ZFP91: variants seen among roughly 807,000 people sequenced by gnomAD.
ZFP91 encodes ZFP91 zinc finger protein, atypical E3 ubiquitin ligase, also known as E3 ubiquitin-protein ligase ZFP91.
ZFP91 carries 7 observed loss-of-function variants against 63.5 expected under a neutral mutation model. That is an observed-to-expected ratio of 0.11 (90% confidence interval 0.06 to 0.21). ZFP91 has a LOEUF of 0.21. Among genes scored for constraint, ZFP91 ranks in the 10% least tolerant of loss-of-function variants. The pLI is 1.00. For synonymous variants in ZFP91, 330 were observed against 272.1 expected (o/e 1.21, Z -2.10); for missense variants, 628 against 736.6 (o/e 0.85, Z 1.71).
chr11:58,579,460 C>T lies in ZFP91; in HGVS notation c.179C>T (p.Ala60Val), dbSNP rs1392420798. The change falls in exon 1 of 11, where the codon GCT becomes GTT. Residue 60 changes from alanine to valine, a missense_variant. Coordinates refer to ENST00000316059, the MANE Select transcript of ZFP91 (RefSeq NM_053023.5). The part of the protein sequence containing the change: ...LRGGRDRGRA[A>V]AAAAAAAVSR... ...GGAGGTCGGGACCGAGGCCGGGCCGCTGCGGCCGCCGCCGCCGCAGCTGTG... is the reference window on the plus strand; with the variant it reads ...GGAGGTCGGGACCGAGGCCGGGCCGTTGCGGCCGCCGCCGCCGCAGCTGTG... The T allele has an allele frequency of 6.9e-7, 1 of 1,457,080 alleles. No homozygotes were observed. Among genetic ancestry groups the T allele is most frequent in the African/African-American group, 1.5e-5 (1 of 67,044 alleles). The allele number at this position is 1,457,080 out of a possible 1,614,324, so 90.3% of individuals were successfully genotyped here.
intron 3 of ZFP91, 48 bp downstream of exon 3, chr11:58,610,087 A>G (rs781654675): frequency 1.0e-5 from 16 of 1,591,338 alleles, no homozygotes; most frequent in Non-Finnish European, 1.1e-5. Flanking sequence ...TTGCTGTTAC[A>G]TTTTAAATGT....
chr11:58,618,841 G>A lies in ZFP91; in HGVS notation c.*1135G>A. On this transcript the variant is annotated 3_prime_UTR_variant, in exon 11 of 11. Transcript: ENST00000316059. ...ATGTTAGGTTCATGGTAACTAGTAT[G>A]CTCTTTGAGATTTTTACAGTGTTGA... The A allele has an allele frequency of 2.8e-6, 1 of 351,704 alleles. No homozygotes were observed. Among genetic ancestry groups the A allele is most frequent in the South Asian group, 2.3e-5 (1 of 43,436 alleles). The allele number at this position is 351,704 out of a possible 1,614,324, so 21.8% of individuals were successfully genotyped here.
chr11:58,612,364 T>C, intron 7 of ZFP91, 36 bp downstream of exon 7: 1 of 1,603,828 alleles, frequency 6.2e-7, no homozygotes, highest in Non-Finnish European at 8.5e-7. Flanking sequence ...TTACACCTTA[T>C]TCCAGTACCA....
intron 8 of ZFP91, 123 bp from the exon 9 acceptor site, chr11:58,614,106 C>G: frequency 1.9e-6 from 1 of 538,986 alleles, no homozygotes; most frequent in Non-Finnish European, 3.2e-6. Flanking sequence ...TATACTCCCT[C>G]ACTATCCATG....
At position 58,579,470 on chromosome 11, in the gene ZFP91, C is replaced by G. The variant is rs548089301; in HGVS notation, c.189C>G (p.Ala63=). 28 of 1,463,366 alleles carry G rather than the reference C, an allele frequency of 1.9e-5. No homozygotes were observed. In the Middle Eastern group the frequency reaches 7.0e-4, roughly 37 times the overall value. 90.6% of individuals were successfully genotyped at this position (1,463,366 alleles called of 1,614,324 possible). The part of the protein sequence containing the change: ...GRDRGRAAAA[A]AAAAVSRRRK... Reference sequence around the variant, plus strand: ...ACCGAGGCCGGGCCGCTGCGGCCGCCGCCGCCGCAGCTGTGTCCCGCCGGA... The same window carrying G: ...ACCGAGGCCGGGCCGCTGCGGCCGCGGCCGCCGCAGCTGTGTCCCGCCGGA... The change falls in exon 1 of 11, where the codon GCC becomes GCG. Residue 63 remains alanine, a synonymous_variant. Coordinates refer to ENST00000316059, the MANE Select transcript of ZFP91 (RefSeq NM_053023.5).
chr11:58,612,330 T>C lies in ZFP91; in HGVS notation c.908+2T>C, dbSNP rs1855678897. On this transcript the variant is annotated splice_donor_variant, in intron 7 of 10. Transcript: ENST00000316059. LOFTEE classifies it high-confidence loss of function. Reference sequence around the variant, plus strand: ...AAGTCCACGTTTACCCAAAAGGAGGTGAGGAATTTTTACCCCTACTGTTTT... The same window carrying C: ...AAGTCCACGTTTACCCAAAAGGAGGCGAGGAATTTTTACCCCTACTGTTTT... The C allele has an allele frequency of 6.2e-7, 1 of 1,613,036 alleles. No individual in the cohort carries two copies. Among genetic ancestry groups the C allele is most frequent in the African/African-American group, 1.3e-5 (1 of 74,772 alleles).
intron 3 of ZFP91, 50 bp downstream of exon 3, chr11:58,610,089 T>G (rs1855634456): frequency 6.3e-7 from 1 of 1,590,948 alleles, no homozygotes; most frequent in Non-Finnish European, 8.6e-7. Flanking sequence ...GCTGTTACAT[T>G]TTAAATGTAA....
intron 2 of ZFP91, among the ~76,000 whole-genome samples, chr11:58,592,306 CA>C (rs1359856117): frequency 6.6e-6 from 1 of 151,902 alleles, no homozygotes; most frequent in Non-Finnish European, 1.5e-5. Context: ...AGCCTGGTCT[CA>C]AACTCCTGAC....
chr11:58,593,781 A>T (rs2510559), intron 2 of ZFP91, among the ~76,000 whole-genome samples: 67,203 of 151,990 alleles, frequency 0.44, 15,045 homozygotes, highest in Middle Eastern at 0.54. Context: ...TCTTCAAGAA[A>T]CAAAAAACCC....
intron 2 of ZFP91, among the ~76,000 whole-genome samples, chr11:58,606,267 A>G (rs1319668526): frequency 2.0e-5 from 3 of 152,262 alleles, no homozygotes; most frequent in East Asian, 1.9e-4. Context: ...GGGTTTTGCC[A>G]TGTTGGCCAG....
intron 2 of ZFP91, among the ~76,000 whole-genome samples, chr11:58,595,370 A>C (rs978687245): frequency 2.0e-5 from 3 of 152,182 alleles, no homozygotes; most frequent in Non-Finnish European, 4.4e-5. Context: ...TCACCCTACA[A>C]TAAAATAATA....
intron 2 of ZFP91, among the ~76,000 whole-genome samples, chr11:58,595,214 T>G (rs891013271): frequency 1.3e-5 from 2 of 152,204 alleles, no homozygotes; most frequent in Non-Finnish European, 1.5e-5. Context: ...ATAACTGATT[T>G]TTGAGAAATG....
At chr11:58,611,079 C>T in intron 5 of ZFP91, 25 bp downstream of exon 5, 1 of 1,596,882 alleles carries the variant, frequency 6.3e-7, no homozygotes, top group Non-Finnish European at 8.6e-7. Flanking sequence ...TTACTGCAGA[C>T]ATGTTAATGA....
intron 2 of ZFP91, among the ~76,000 whole-genome samples, chr11:58,606,161 A>G (rs1406487486): frequency 6.6e-6 from 1 of 152,110 alleles, no homozygotes; most frequent in African/African-American, 2.4e-5. Context: ...TCCTGGGTTC[A>G]AGTGATTCTC....
intron 10 of ZFP91, 50 bp downstream of exon 10, chr11:58,616,865 A>T: frequency 6.4e-7 from 1 of 1,554,044 alleles, no homozygotes; most frequent in Non-Finnish European, 8.9e-7. Context: ...TATATGCCCT[A>T]CTTGAAGGTT....
intron 1 of ZFP91, 66 bp downstream of exon 1, chr11:58,579,688 C>A: frequency 2.9e-6 from 4 of 1,395,856 alleles, no homozygotes; most frequent in Non-Finnish European, 3.8e-6. Context: ...CTCTCGGCTC[C>A]CGTAGCGCCT....
At chr11:58,596,897 G>A (rs1855413836) in intron 2 of ZFP91, among the ~76,000 whole-genome samples, 1 of 151,992 alleles carries the variant, frequency 6.6e-6, no homozygotes, top group African/African-American at 2.4e-5. Context: ...TTCTTACATG[G>A]AGTTAACAGT....
chr11:58,597,799 A>G (rs1284242521), intron 2 of ZFP91, among the ~76,000 whole-genome samples: 2 of 152,188 alleles, frequency 1.3e-5, no homozygotes, highest in East Asian at 1.9e-4. Flanking sequence ...ATGGTGAGCA[A>G]CTGCAGCTAC....
intron 1 of ZFP91, 64 bp downstream of exon 1, chr11:58,579,686 TC>T: frequency 7.1e-7 from 1 of 1,406,586 alleles, no homozygotes; most frequent in Non-Finnish European, 9.3e-7. Flanking sequence ...CCCTCTCGGC[TC>T]CCGTAGCGCC....
Sources: allele counts gnomAD v4.1 joint callset (sites outside exome capture counted in the v4.1 genomes callset), GRCh38; gene constraint gnomAD v4.1.1; transcripts MANE v1.5; gene names NCBI Gene and HGNC (gene_info 2026-07-23, HGNC 2026-07-21).